Variants in TRPC5 observed in about 807,000 individuals in gnomAD.
The protein encoded by TRPC5 is transient receptor potential cation channel subfamily C member 5, also known as short transient receptor potential channel 5.
TRPC5 carries 9 observed loss-of-function variants against 56.5 expected under a neutral mutation model. The observed-to-expected ratio is 0.16, with a 90% CI of 0.10 to 0.28. The LOEUF is 0.28. Among genes scored for constraint, TRPC5 ranks in the 10% least tolerant of loss-of-function variants. The pLI, the probability that TRPC5 is intolerant of heterozygous loss-of-function variation, is 1.00. For synonymous variants in TRPC5, 282 were observed against 278.5 expected (o/e 1.01, Z -0.13); for missense variants, 469 against 748.9 (o/e 0.63, Z 4.36).
intron 2 of TRPC5, among the ~76,000 whole-genome samples, chrX:111,940,011 A>G (rs1926722256): frequency 9.0e-6 from 1 of 111,592 alleles, no homozygotes; most frequent in African/African-American, 3.3e-5. Flanking sequence ...TTTTGATGTA[A>G]GCACTTATAG....
chrX:111,783,092 C>T (rs1945933881), intron 7 of TRPC5, among the ~76,000 whole-genome samples: 1 of 112,054 alleles, frequency 8.9e-6, no homozygotes, highest in Non-Finnish European at 1.9e-5. Flanking sequence ...TTTTACTCAG[C>T]ATAACACCTT....
At chrX:111,781,080 C>A in intron 9 of TRPC5, 85 bp downstream of exon 9, 1 of 939,904 alleles carries the variant, frequency 1.1e-6, no homozygotes, top group East Asian at 3.1e-5. Context: ...GGGATCGTGT[C>A]CAGACACAGC....
At chrX:111,934,278 G>A (rs1603105326) in intron 2 of TRPC5, among the ~76,000 whole-genome samples, 1 of 102,548 alleles carries the variant, frequency 9.8e-6, no homozygotes, top group South Asian at 4.4e-4. Flanking sequence ...GTAATTTTAT[G>A]GTTTCAGGTT....
At chrX:112,052,751 T>C (rs781183673) in intron 1 of TRPC5, among the ~76,000 whole-genome samples, 8 of 111,949 alleles carry the variant, frequency 7.1e-5, no homozygotes, top group Non-Finnish European at 1.5e-4. Context: ...TTAACTCTTA[T>C]ATTTAGGTCT....
At chrX:111,965,627 T>G (rs1927540636) in intron 1 of TRPC5, among the ~76,000 whole-genome samples, 1 of 111,994 alleles carries the variant, frequency 8.9e-6, no homozygotes, top group Non-Finnish European at 1.9e-5. Context: ...AAACTGTCTC[T>G]CAGACTACAG....
At chrX:112,001,572 C>A (rs188345850) in intron 1 of TRPC5, among the ~76,000 whole-genome samples, 3 of 111,577 alleles carry the variant, frequency 2.7e-5, no homozygotes, top group African/African-American at 9.8e-5. Flanking sequence ...CCAGCCTGGC[C>A]AACACGGCAA....
At chrX:111,814,565 A>C (rs998247886) in intron 7 of TRPC5, among the ~76,000 whole-genome samples, 2 of 110,507 alleles carry the variant, frequency 1.8e-5, no homozygotes, top group South Asian at 7.9e-4. Context: ...CTTGCACCCT[A>C]GTACCGATGC....
chrX:111,957,556 G>A (rs1425308436), intron 1 of TRPC5, among the ~76,000 whole-genome samples: 4 of 111,694 alleles, frequency 3.6e-5, no homozygotes, highest in African/African-American at 9.8e-5. Context: ...TTAAGGTCAC[G>A]CAGCTAGTAA....
intron 1 of TRPC5, among the ~76,000 whole-genome samples, chrX:111,988,995 T>A (rs1928283109): frequency 8.9e-6 from 1 of 112,052 alleles, no homozygotes; most frequent in Non-Finnish European, 1.9e-5. Flanking sequence ...CAAATATATG[T>A]ATAAAGTTCC....
chrX:112,053,409 A>C (rs1036893798), intron 1 of TRPC5, among the ~76,000 whole-genome samples: 1 of 111,714 alleles, frequency 9.0e-6, no homozygotes, highest in Non-Finnish European at 1.9e-5. Context: ...TGTAGTGAGG[A>C]CTAACTGAAG....
rs760392736 is a variant in TRPC5, at chrX:111,839,469, A to C, written c.1701-4353T>G. Among the ~76,000 whole-genome samples, 121 of 111,934 alleles carry C rather than the reference A, an allele frequency of 1.1e-3. 1 individual carries two copies. Among genetic ancestry groups the C allele is most frequent in the Middle Eastern group, 4.7e-3 (1 of 215 alleles). ...CAACTTCAAGTTTTCCTCATCTCAA[A>C]AATGATTCTTGGTAAGATAAATACT... On this transcript the variant is annotated intron_variant, in intron 6 of 10. Transcript: ENST00000262839.
intron 6 of TRPC5, among the ~76,000 whole-genome samples, chrX:111,836,363 TGTGTC>T (rs1375911140): frequency 8.9e-6 from 1 of 112,101 alleles, no homozygotes; most frequent in African/African-American, 3.2e-5. Flanking sequence ...GTGCTCAAAA[TGTGTC>T]GTTCTTAATG....
At chrX:111,840,643 G>A (rs1218126810) in intron 6 of TRPC5, among the ~76,000 whole-genome samples, 9 of 111,681 alleles carry the variant, frequency 8.1e-5, no homozygotes, top group Non-Finnish European at 1.7e-4. Flanking sequence ...GAGATACTGA[G>A]GCACAGAGTG....
intron 7 of TRPC5, among the ~76,000 whole-genome samples, chrX:111,804,801 A>T (rs979363607): frequency 8.0e-5 from 9 of 111,924 alleles, no homozygotes; most frequent in Non-Finnish European, 1.7e-4. Flanking sequence ...GCAAAGACAC[A>T]CAATTTGACT....
chrX:112,003,049 G>A (rs1201069343), intron 1 of TRPC5, among the ~76,000 whole-genome samples: 1 of 111,171 alleles, frequency 9.0e-6, no homozygotes, highest in Non-Finnish European at 1.9e-5. Context: ...TAAGACTAGG[G>A]GCTGCTTATG....
chrX:111,883,521 A>G (rs561273475), intron 3 of TRPC5, among the ~76,000 whole-genome samples: 103 of 112,923 alleles, frequency 9.1e-4, no homozygotes, highest in Middle Eastern at 4.6e-3. Flanking sequence ...ACCTAGCTAG[A>G]GCCTAAGCCT....
intron 2 of TRPC5, among the ~76,000 whole-genome samples, chrX:111,938,724 T>C (rs1345268067): frequency 8.9e-6 from 1 of 112,168 alleles, no homozygotes; most frequent in East Asian, 2.8e-4. Flanking sequence ...ATAAGCTTTT[T>C]AATGTGCTGC....
intron 1 of TRPC5, among the ~76,000 whole-genome samples, chrX:111,960,815 A>AATT (rs771467298): frequency 9.1e-4 from 100 of 110,275 alleles, no homozygotes; most frequent in African/African-American, 2.7e-3. Context: ...TTAATTAATT[A>AATT]ATTATTATTA....
intron 1 of TRPC5, among the ~76,000 whole-genome samples, chrX:112,009,549 C>T (rs896805644): frequency 1.5e-4 from 17 of 111,892 alleles, no homozygotes; most frequent in Non-Finnish European, 2.3e-4. Flanking sequence ...GATAACTGTA[C>T]TGTTCCTGCC....
Sources: allele counts gnomAD v4.1 joint callset (sites outside exome capture counted in the v4.1 genomes callset), GRCh38; gene constraint gnomAD v4.1.1; transcripts MANE v1.5; gene names NCBI Gene and HGNC (gene_info 2026-07-23, HGNC 2026-07-21).